NKAIN2: variants seen among roughly 807,000 people sequenced by gnomAD.
NKAIN2 encodes sodium/potassium transporting ATPase interacting 2, also known as sodium/potassium-transporting ATPase subunit beta-1-interacting protein 2.
NKAIN2 carries 14 observed loss-of-function variants against 32.6 expected under a neutral mutation model. That is an observed-to-expected ratio of 0.43 (90% CI 0.28 to 0.67). The LOEUF is 0.67. Ranked by LOEUF, NKAIN2 falls within the 30% of genes least tolerant of loss-of-function variation. NKAIN2 has a pLI of 0.17. For missense variants in NKAIN2, 198 were observed against 258.3 expected (o/e 0.77, Z 1.60); for synonymous variants, 80 against 87.2 (o/e 0.92, Z 0.46).
At chr6:124,806,673 A>T (rs1780579837) in intron 5 of NKAIN2, among the ~76,000 whole-genome samples, 1 of 152,186 alleles carries the variant, frequency 6.6e-6, no homozygotes, top group Non-Finnish European at 1.5e-5. Context: ...TAAATGCTCC[A>T]ATTAAAAGAC....
chr6:124,366,940 A>G (rs1280409210), intron 3 of NKAIN2, among the ~76,000 whole-genome samples: 1 of 152,032 alleles, frequency 6.6e-6, no homozygotes. Context: ...AAAAAAAAAA[A>G]AAAAGTAATA....
At chr6:123,905,293 C>T (rs191482747) in intron 1 of NKAIN2, among the ~76,000 whole-genome samples, 23 of 152,084 alleles carry the variant, frequency 1.5e-4, no homozygotes, top group Admixed American at 5.2e-4. Flanking sequence ...AGAGGGGCCT[C>T]GGTGGGTACT....
chr6:123,805,592 T>A (rs995623417), intron 1 of NKAIN2, among the ~76,000 whole-genome samples: 1 of 152,216 alleles, frequency 6.6e-6, no homozygotes, highest in Non-Finnish European at 1.5e-5. Context: ...AGTTTCTCAA[T>A]GATGTGTAAA....
chr6:124,171,854 T>TC (rs1788894787), intron 1 of NKAIN2, among the ~76,000 whole-genome samples: 1 of 134,328 alleles, frequency 7.4e-6, no homozygotes, highest in Non-Finnish European at 1.6e-5. Flanking sequence ...GGCCGACTCT[T>TC]TTTTTTTTTT....
At chr6:123,868,849 A>G (rs1772721048) in intron 1 of NKAIN2, among the ~76,000 whole-genome samples, 1 of 152,200 alleles carries the variant, frequency 6.6e-6, no homozygotes, top group African/African-American at 2.4e-5. Flanking sequence ...TGATATGATA[A>G]TTATAGAAAT....
At chr6:124,118,392 G>T (rs1212149511) in intron 1 of NKAIN2, among the ~76,000 whole-genome samples, 1 of 152,160 alleles carries the variant, frequency 6.6e-6, no homozygotes, top group Non-Finnish European at 1.5e-5. Flanking sequence ...AATATTGCAA[G>T]TATTGTCTTT....
chr6:124,332,856 A>G (rs1405824031), intron 2 of NKAIN2, among the ~76,000 whole-genome samples: 3 of 152,234 alleles, frequency 2.0e-5, no homozygotes, highest in Admixed American at 6.5e-5. Context: ...AAATAACAAT[A>G]AAATCCCTTT....
intron 3 of NKAIN2, among the ~76,000 whole-genome samples, chr6:124,584,655 GAAAAAAAA>G (rs34014858): frequency 1.1e-5 from 1 of 87,222 alleles, no homozygotes; most frequent in Non-Finnish European, 2.3e-5. Context: ...CTCCATCTCA[GAAAAAAAA>G]AAAAAAAAAA....
chr6:124,410,912 A>G (rs1387842311), intron 3 of NKAIN2, among the ~76,000 whole-genome samples: 28 of 152,128 alleles, frequency 1.8e-4, no homozygotes. Flanking sequence ...TTCTTGTTGA[A>G]TTGATCCCTT....
intron 4 of NKAIN2, among the ~76,000 whole-genome samples, chr6:124,716,142 T>C (rs17767102): frequency 0.044 from 6,773 of 152,306 alleles, 169 homozygotes; most frequent in East Asian, 0.08. Flanking sequence ...TGGAGACCTG[T>C]ATAATTAAGA....
chr6:123,918,224 G>C (rs1370735944), intron 1 of NKAIN2, among the ~76,000 whole-genome samples: 4 of 152,234 alleles, frequency 2.6e-5, no homozygotes, highest in Admixed American at 1.3e-4. Context: ...ATAGGGGTAT[G>C]TTTTATCGTT....
chr6:124,509,105 T>C (rs1778609769), intron 3 of NKAIN2, among the ~76,000 whole-genome samples: 1 of 152,132 alleles, frequency 6.6e-6, no homozygotes, highest in Non-Finnish European at 1.5e-5. Flanking sequence ...AGTCAAGGGG[T>C]GAGTAAATAA....
rs576035932 is a variant in NKAIN2 at position 123,827,901 on chromosome 6, A to G, written c.54+23647A>G. Among the ~76,000 whole-genome samples the G allele has an allele frequency of 2.6e-5, 4 of 151,996 alleles. No homozygotes were observed. The South Asian group carries it at 6.2e-4, about 24-fold the overall frequency. On this transcript the variant is annotated intron_variant, in intron 1 of 6. Transcript: ENST00000368417. ...CCTCTCTCTCTCTCTCTCTCTATAT[A>G]TATATATGTCATATATATATATGCA...
intron 3 of NKAIN2, among the ~76,000 whole-genome samples, chr6:124,411,373 C>A (rs1401550816): frequency 6.0e-5 from 9 of 151,200 alleles, no homozygotes; most frequent in Non-Finnish European, 1.0e-4. Context: ...TTAGGGCAGG[C>A]CTGGTGGTGA....
chr6:124,114,989 G>A (rs1221293006), intron 1 of NKAIN2, among the ~76,000 whole-genome samples: 3 of 152,058 alleles, frequency 2.0e-5, no homozygotes, highest in Non-Finnish European at 4.4e-5. Context: ...GAAGCATGTT[G>A]GAACAAGTGA....
At chr6:124,690,249 T>G (rs184805896) in intron 4 of NKAIN2, among the ~76,000 whole-genome samples, 2 of 152,290 alleles carry the variant, frequency 1.3e-5, no homozygotes, top group Non-Finnish European at 2.9e-5. Context: ...ATTTTACTTG[T>G]TAATTGCTGG....
At chr6:124,602,446 T>C (rs571198361) in intron 3 of NKAIN2, among the ~76,000 whole-genome samples, 1 of 152,110 alleles carries the variant, frequency 6.6e-6, no homozygotes, top group Admixed American at 6.6e-5. Flanking sequence ...CTTTCCTTTA[T>C]AATCTGTTAT....
chr6:124,066,337 C>T (rs893643391), intron 1 of NKAIN2, among the ~76,000 whole-genome samples: 2 of 152,002 alleles, frequency 1.3e-5, no homozygotes, highest in Non-Finnish European at 2.9e-5. Context: ...AGCATTGCAC[C>T]CATTTTGTTC....
At chr6:124,786,876 A>G (rs1326504122) in intron 4 of NKAIN2, among the ~76,000 whole-genome samples, 1 of 152,104 alleles carries the variant, frequency 6.6e-6, no homozygotes, top group Non-Finnish European at 1.5e-5. Flanking sequence ...GAAGATACTC[A>G]TATCTACTCT....
Sources: allele counts gnomAD v4.1 joint callset (sites outside exome capture counted in the v4.1 genomes callset), GRCh38; gene constraint gnomAD v4.1.1; transcripts MANE v1.5; gene names NCBI Gene and HGNC (gene_info 2026-07-23, HGNC 2026-07-21).